The following NDST1 variants were observed in gnomAD, a reference collection of about 807,000 sequenced individuals.
The protein encoded by NDST1 is N-deacetylase and N-sulfotransferase 1, also known as bifunctional heparan sulfate N-deacetylase/N-sulfotransferase 1.
A neutral mutation model predicts 92.8 loss-of-function variants in NDST1; 35 were observed. The observed-to-expected ratio is 0.38, with a 90% CI of 0.29 to 0.50. The LOEUF is 0.50. Among genes scored for constraint, NDST1 ranks in the 20% least tolerant of loss-of-function variants. The pLI, the probability that NDST1 is intolerant of heterozygous loss-of-function variation, is 0.94. For missense variants in NDST1, 822 were observed against 1,182.7 expected, an observed-to-expected ratio of 0.69 and a Z score of 4.47; for synonymous variants, 493 against 500.3, an observed-to-expected ratio of 0.99 and a Z score of 0.19.
chr5:150,501,083 A>ATTT (rs1365318111), intron 1 of NDST1, among the ~76,000 whole-genome samples: 1 of 151,028 alleles, frequency 6.6e-6, no homozygotes, highest in Admixed American at 6.8e-5. Context: ...TCTCCATCCC[A>ATTT]TTTTTTGTTG....
chr5:150,549,697 A>G lies in NDST1; in HGVS notation c.2336A>G (p.Lys779Arg), dbSNP rs768794426. The G allele has an allele frequency of 1.9e-6, 3 of 1,613,738 alleles. No individual in the cohort carries two copies. Among genetic ancestry groups the G allele is most frequent in the African/African-American group, 1.3e-5 (1 of 74,910 alleles). ...HANQILVLDG[K>R]LLRTEPAKVM... ...TTCCAGATTCTGGTCTTGGATGGCA[A>G]ACTGCTTCGCACAGAACCTGCCAAA... Residue 779 changes from lysine (K) to arginine (R), a missense_variant, in exon 13 of 15, where the codon AAA (lysine) becomes AGA (arginine). Lys to Arg is a conservative substitution (Grantham distance 26). Transcript: ENST00000261797.
At chr5:150,529,390 C>CAA (rs11418788) in intron 3 of NDST1, among the ~76,000 whole-genome samples, 1,088 of 62,186 alleles carry the variant, frequency 0.017, 23 homozygotes, top group African/African-American at 0.031. Context: ...GACCCTGTCT[C>CAA]AAAAAAAAAA....
intron 3 of NDST1, among the ~76,000 whole-genome samples, chr5:150,532,386 A>G (rs1754782561): frequency 6.6e-6 from 1 of 152,114 alleles, no homozygotes; most frequent in Non-Finnish European, 1.5e-5. Context: ...AGGATTCTAG[A>G]TTTTCCCTTG....
chr5:150,528,091 C>T lies in NDST1; in HGVS notation c.801C>T (p.Val267=). The T allele has an allele frequency of 6.2e-7, 1 of 1,613,820 alleles. No homozygotes were observed. The highest frequency in any genetic ancestry group is 8.5e-7 in the Non-Finnish European group (1 of 1,179,790). ...ATGCTGCACTGCACGCCACTGTGGT[C>T]CAGGACCTGGGCCTGCACGACGGCA... is the stretch of plus-strand genomic sequence containing the variant. ...GLHAALHATV[V]QDLGLHDGIQ... The change falls in exon 3 of 15, where the codon GTC becomes GTT. Residue 267 remains valine, a synonymous_variant. Coordinates refer to ENST00000261797, the MANE Select transcript of NDST1 (RefSeq NM_001543.5).
intron 4 of NDST1, 91 bp from the exon 5 acceptor site, chr5:150,534,776 T>C: frequency 6.5e-7 from 1 of 1,536,890 alleles, no homozygotes. Context: ...CTGGGTGGGC[T>C]CTGGCCATGC....
chr5:150,527,740 CTG>C (rs1754538339), intron 2 of NDST1, 62 bp from the exon 3 acceptor site: 53 of 1,603,398 alleles, frequency 3.3e-5, no homozygotes, highest in Non-Finnish European at 4.5e-5. Flanking sequence ...ATGTGAGAGA[CTG>C]TGTCCTTTGG....
At chr5:150,504,589 G>A (rs368428752), upstream of NDST1, among the ~76,000 whole-genome samples, 52 of 152,236 alleles carry the variant, frequency 3.4e-4, no homozygotes, top group African/African-American at 1.2e-3. Context: ...GAGTCTCCCC[G>A]ACAGAGCTGT....
upstream of NDST1, among the ~76,000 whole-genome samples, chr5:150,505,979 C>T (rs570844864): frequency 1.0e-3 from 153 of 151,936 alleles, 1 homozygote; most frequent in South Asian, 9.0e-3. Flanking sequence ...AAACTGAGGC[C>T]GAGAAAGGAG....
rs912048998 is a variant in NDST1, at chr5:150,556,603, G to A, written c.*3271G>A. The A allele has an allele frequency of 6.6e-6, 1 of 152,152 alleles. No homozygotes were observed. The highest frequency in any genetic ancestry group is 1.5e-5 in the Non-Finnish European group (1 of 68,028). The allele number at this position is 152,152 out of a possible 1,614,324, so 9.4% of individuals were successfully genotyped here. A position where few individuals can be genotyped will look rare whatever the true frequency, so the allele number is the denominator to read the frequency against. On this transcript the variant is annotated 3_prime_UTR_variant, in exon 15 of 15. Transcript: ENST00000261797. ...TGCCACATTCTTTTTCTCTCTCTGT[G>A]TATGTATATGTTTTCTCTGTCCTAA...
chr5:150,544,208 T>A (rs955014422), intron 10 of NDST1, among the ~76,000 whole-genome samples: 6 of 152,220 alleles, frequency 3.9e-5, no homozygotes, highest in African/African-American at 1.4e-4. Flanking sequence ...TTTAGTAACA[T>A]CTTCAGCGAC....
chr5:150,554,168 C>A lies in NDST1; in HGVS notation c.*836C>A. 2.5e-6 allele frequency: 1 copy of A among 398,812 alleles called. No homozygotes were observed. Among genetic ancestry groups the A allele is most frequent in the Non-Finnish European group, 4.4e-6 (1 of 226,000 alleles). 24.7% of individuals were successfully genotyped at this position (398,812 alleles called of 1,614,324 possible). A position where few individuals can be genotyped will look rare whatever the true frequency, so the allele number is the denominator to read the frequency against. Reference sequence around the variant, plus strand: ...AGCCTCAGGCCCAGGCAGACATGGGCGAGCTGGTGAGACTGCCAGCCACGG... The same window carrying A: ...AGCCTCAGGCCCAGGCAGACATGGGAGAGCTGGTGAGACTGCCAGCCACGG... On this transcript the variant is annotated 3_prime_UTR_variant, in exon 15 of 15. Coordinates refer to ENST00000261797, the MANE Select transcript of NDST1 (RefSeq NM_001543.5).
intron 10 of NDST1, among the ~76,000 whole-genome samples, chr5:150,543,577 A>T (rs1200830791): frequency 6.6e-6 from 1 of 152,142 alleles, no homozygotes; most frequent in East Asian, 1.9e-4. Flanking sequence ...CTTTCTTTTT[A>T]AAAAATGTTT....
intron 7 of NDST1, 122 bp downstream of exon 7, chr5:150,539,478 T>G: frequency 1.9e-6 from 3 of 1,593,618 alleles, no homozygotes; most frequent in Non-Finnish European, 8.5e-7. Flanking sequence ...GCCTGGCAGT[T>G]GGGAGACCCA....
chr5:150,548,308 G>A lies in NDST1; in HGVS notation c.2236G>A (p.Ala746Thr). 6.2e-7 allele frequency: 1 copy of A among 1,614,104 alleles called. No homozygotes were observed. The highest frequency in any genetic ancestry group is 1.3e-5 in the African/African-American group (1 of 75,062). Residue 746 changes from alanine to threonine, a missense_variant, in exon 12 of 15, where the codon GCC (alanine) becomes ACC (threonine). Physicochemically the swap from Ala to Thr is moderately conservative, Grantham distance 58. Coordinates refer to ENST00000261797, the MANE Select transcript of NDST1 (RefSeq NM_001543.5). ...CTCTGACGCATCCTCGAAGCTGCGT[G>A]CCCTCCAGAACCGCTGCCTGGTCCC... is the stretch of plus-strand genomic sequence containing the variant. ...AGSDASSKLR[A>T]LQNRCLVPGW...
intron 1 of NDST1, among the ~76,000 whole-genome samples, chr5:150,511,243 C>T (rs75437529): frequency 0.019 from 2,879 of 152,290 alleles, 94 homozygotes; most frequent in African/African-American, 0.065. Context: ...AGCAGATTCA[C>T]AGAGGGGAAG....
intron 7 of NDST1, chr5:150,539,572 A>G (rs542590663): frequency 3.5e-4 from 499 of 1,413,398 alleles, no homozygotes; most frequent in Non-Finnish European, 4.4e-4. Flanking sequence ...CTAATCATGT[A>G]CTTTAATACA....
chr5:150,511,537 A>C (rs2151252950), intron 1 of NDST1, among the ~76,000 whole-genome samples: 1 of 152,294 alleles, frequency 6.6e-6, no homozygotes, highest in South Asian at 2.1e-4. Flanking sequence ...GGCACACCAG[A>C]CGGCACAAGC....
intron 1 of NDST1, among the ~76,000 whole-genome samples, chr5:150,502,826 G>T (rs551039200): frequency 6.6e-6 from 1 of 151,774 alleles, no homozygotes; most frequent in African/African-American, 2.4e-5. Flanking sequence ...GGAAGGGTGG[G>T]GTGGAGGTTC....
Position 150,528,067 on chromosome 5 carries a change from T to C in NDST1, c.777T>C (p.His259=), listed in dbSNP as rs143891966. 267 of 1,613,694 alleles carry C rather than the reference T, an allele frequency of 1.7e-4. No homozygotes were observed. The African/African-American group carries it at 3.2e-3, about 19-fold the overall frequency. ...IPHLGADAGL[H]AALHATVVQD... ...ACCTGGGCGCAGACGCCGGCCTGCA[T>C]GCTGCACTGCACGCCACTGTGGTCC... Residue 259 remains histidine, a synonymous_variant, in exon 3 of 15, where the codon CAT becomes CAC. Coordinates refer to ENST00000261797, the MANE Select transcript of NDST1 (RefSeq NM_001543.5).
Sources: allele counts gnomAD v4.1 joint callset (sites outside exome capture counted in the v4.1 genomes callset), GRCh38; gene constraint gnomAD v4.1.1; transcripts MANE v1.5; gene names NCBI Gene and HGNC (gene_info 2026-07-23, HGNC 2026-07-21).